The following PDE1C variants were observed in gnomAD, a reference collection of about 807,000 sequenced individuals.
The protein encoded by PDE1C is dual specificity calcium/calmodulin-dependent 3',5'-cyclic nucleotide phosphodiesterase 1C.
In PDE1C, 62 loss-of-function variants were observed where a neutral mutation model predicts 93.1. The ratio of observed to expected loss-of-function variants is 0.67; its 90% CI spans 0.54 to 0.82. The LOEUF (loss-of-function observed/expected upper bound fraction) is 0.82, where lower values mean the gene tolerates loss of function less well. PDE1C is among the 40% of genes least tolerant of loss of function. The probability of loss-of-function intolerance (pLI) is 0.00; values close to 1 mark genes in which losing one functional copy is unlikely to be tolerated. For synonymous variants in PDE1C, 325 were observed against 310.1 expected, an observed-to-expected ratio of 1.05 and a Z score of -0.50; for missense variants, 742 against 884.6, an observed-to-expected ratio of 0.84 and a Z score of 2.04.
the PDE1C span, among the ~76,000 whole-genome samples, chr7:31,634,117 C>G: frequency 6.6e-6 from 1 of 152,130 alleles, no homozygotes; most frequent in African/African-American, 2.4e-5. Context: ...GGTGATTATT[C>G]CCACAAAGTG....
At chr7:31,990,095 C>T (rs1783969127) in intron 2 of PDE1C, among the ~76,000 whole-genome samples, 1 of 152,098 alleles carries the variant, frequency 6.6e-6, no homozygotes, top group South Asian at 2.1e-4. Context: ...GTGCAGGGCC[C>T]CTGGGGAGCA....
rs115244582 is a variant in PDE1C at position 32,392,305 on chromosome 7, T to C, written c.310+35517A>G. 5.7e-3 allele frequency among the ~76,000 whole-genome samples: 871 copies of C among 152,266 alleles called. 7 individuals carry two copies. Among genetic ancestry groups the C allele is most frequent in the African/African-American group, 0.02 (841 of 41,550 alleles). Reference sequence around the variant, plus strand: ...TAAATTGAATTCATAGTAGAGATCTTCCCAGAATAGAAAGCCCAGGCCTAG... The same window carrying C: ...TAAATTGAATTCATAGTAGAGATCTCCCCAGAATAGAAAGCCCAGGCCTAG... On this transcript the variant is annotated intron_variant, in intron 1 of 1. Coordinates refer to the PDE1C transcript ENST00000672256.
chr7:32,087,686 T>A (rs896894492), intron 3 of PDE1C, among the ~76,000 whole-genome samples: 3 of 151,872 alleles, frequency 2.0e-5, no homozygotes, highest in Non-Finnish European at 2.9e-5. Context: ...AAAGGATGAG[T>A]TCATGTCCTT....
At chr7:31,742,869 T>C in the PDE1C span, among the ~76,000 whole-genome samples, 12 of 152,274 alleles carry the variant, frequency 7.9e-5, no homozygotes, top group Middle Eastern at 3.4e-3. Flanking sequence ...CCCAGTGTGG[T>C]CCCTCTTCAC....
chr7:31,865,199 G>A (rs1332096101), intron 6 of PDE1C, 117 bp from the exon 7 acceptor site: 44 of 872,294 alleles, frequency 5.0e-5, no homozygotes, highest in Non-Finnish European at 7.5e-5. Flanking sequence ...GAGGAAATTG[G>A]AACTTACACA....
At chr7:31,819,663 T>C (rs1467714640) in intron 14 of PDE1C, among the ~76,000 whole-genome samples, 1 of 152,038 alleles carries the variant, frequency 6.6e-6, no homozygotes, top group Non-Finnish European at 1.5e-5. Flanking sequence ...TAAATTTGCT[T>C]CCTCCCAGTG....
At chr7:31,834,983 C>T (rs559676058) in intron 11 of PDE1C, among the ~76,000 whole-genome samples, 1 of 152,088 alleles carries the variant, frequency 6.6e-6, no homozygotes, top group African/African-American at 2.4e-5. Flanking sequence ...TGCGGTTTCC[C>T]CCATACTGTT....
At chr7:31,942,042 C>G (rs1333329331) in intron 2 of PDE1C, among the ~76,000 whole-genome samples, 2 of 152,136 alleles carry the variant, frequency 1.3e-5, no homozygotes, top group Non-Finnish European at 2.9e-5. Context: ...AAACAGGTAC[C>G]TACTCACATG....
chr7:31,873,648 T>C (rs568281787), intron 5 of PDE1C, among the ~76,000 whole-genome samples: 6 of 152,362 alleles, frequency 3.9e-5, no homozygotes, highest in African/African-American at 1.4e-4. Flanking sequence ...GTACCTACTG[T>C]ATGACAGGCA....
intron 17 of PDE1C, among the ~76,000 whole-genome samples, chr7:31,766,827 T>C (rs1795176832): frequency 6.6e-6 from 1 of 152,250 alleles, no homozygotes; most frequent in African/African-American, 2.4e-5. Context: ...TATATGTCTT[T>C]TGGAATATTT....
intron 10 of PDE1C, among the ~76,000 whole-genome samples, chr7:31,837,532 G>T (rs1791274426): frequency 6.6e-6 from 1 of 152,170 alleles, no homozygotes; most frequent in Non-Finnish European, 1.5e-5. Flanking sequence ...TGGAATGACT[G>T]CATCCTTCAA....
chr7:32,111,271 G>A (rs1007377795), intron 3 of PDE1C, among the ~76,000 whole-genome samples: 2 of 152,190 alleles, frequency 1.3e-5, no homozygotes, highest in South Asian at 2.1e-4. Flanking sequence ...TTGAGCAGAG[G>A]AGCAGATGTG....
At chr7:31,852,709 C>A (rs867331970) in intron 7 of PDE1C, among the ~76,000 whole-genome samples, 1 of 152,092 alleles carries the variant, frequency 6.6e-6, no homozygotes, top group Admixed American at 6.5e-5. Flanking sequence ...ACACACCACG[C>A]CTGCAGAATT....
chr7:32,001,062 C>G (rs574058326), intron 2 of PDE1C, among the ~76,000 whole-genome samples: 2 of 151,704 alleles, frequency 1.3e-5, no homozygotes. Flanking sequence ...AGTGAAAAAA[C>G]AAGGCATAGA....
Position 31,824,902 on chromosome 7 carries a change from G to A in PDE1C, c.1371C>T (p.Thr457=), listed in dbSNP as rs746436711. The A allele has an allele frequency of 4.2e-5, 68 of 1,613,170 alleles. No individual in the cohort carries two copies. Among genetic ancestry groups the A allele is most frequent in the Middle Eastern group, 1.6e-4 (1 of 6,074 alleles). ...TCTGTCCTGTCCCACCAGTTTGAGA[G>A]GTTTCATCGATTAATGGACTCACAA... ...EKIVSPLIDE[T]SQTGGTGQRR... is the part of the protein sequence containing the mutation. Residue 457 remains threonine (T), a synonymous_variant, in exon 13 of 18, where the codon ACC becomes ACT. Transcript: ENST00000396191.
In PDE1C at chr7:32,324,729, A is replaced by G. The variant is rs560887163; in HGVS notation, c.310+103093T>C. 1.1e-4 allele frequency among the ~76,000 whole-genome samples: 16 copies of G among 152,334 alleles called. No individual in the cohort carries two copies. The South Asian group carries it at 2.5e-3, about 24-fold the overall frequency. On this transcript the variant is annotated intron_variant, in intron 1 of 1. Transcript: ENST00000672256. ...TTTGGGAGGCCAAAGTGGAAGGATC[A>G]CTTGAGTCCAGGAACTAGAGACCAG...
intron 2 of PDE1C, among the ~76,000 whole-genome samples, chr7:32,032,477 C>A (rs1328894136): frequency 1.3e-5 from 2 of 152,204 alleles, no homozygotes; most frequent in Non-Finnish European, 2.9e-5. Flanking sequence ...CATCTGTTCA[C>A]TGCTACGAGT....
At chr7:32,282,040 G>A (rs1811666998) in intron 1 of PDE1C, among the ~76,000 whole-genome samples, 1 of 151,384 alleles carries the variant, frequency 6.6e-6, no homozygotes, top group Non-Finnish European at 1.5e-5. Flanking sequence ...GATAGCATTA[G>A]GGGAAATACC....
intron 3 of PDE1C, among the ~76,000 whole-genome samples, chr7:32,107,985 T>G (rs571885878): frequency 2.4e-4 from 36 of 151,214 alleles, no homozygotes; most frequent in African/African-American, 8.5e-4. Flanking sequence ...CAAAAAGAAA[T>G]TTTTTTAAGT....
Sources: gnomAD v4.1 joint callset for allele counts (sites outside exome capture counted in the v4.1 genomes callset) on GRCh38, gnomAD v4.1.1 for gene constraint, MANE v1.5 for transcripts, NCBI Gene and HGNC (gene_info 2026-07-23, HGNC 2026-07-21) for gene names.